Variants in CRIM1 observed in about 807,000 individuals in gnomAD.
CRIM1 encodes cysteine rich transmembrane BMP regulator 1, also known as cysteine-rich motor neuron 1 protein.
A neutral mutation model predicts 116.4 loss-of-function variants in CRIM1; 32 were observed. That is an observed-to-expected ratio of 0.27 (90% CI 0.21 to 0.37). CRIM1 has a LOEUF of 0.37. Ranked by LOEUF, CRIM1 falls within the 10% of genes least tolerant of loss-of-function variation. CRIM1 has a pLI of 1.00. For missense variants in CRIM1, 1,331 were observed against 1,354.8 expected, an observed-to-expected ratio of 0.98 and a Z score of 0.28; for synonymous variants, 590 against 509.2, an observed-to-expected ratio of 1.16 and a Z score of -2.13.
chr2:36,420,999 C>T lies in CRIM1; in HGVS notation c.506-20259C>T, dbSNP rs940623939. Among the ~76,000 whole-genome samples, 5 of 152,178 alleles carry T rather than the reference C, an allele frequency of 3.3e-5. No individual in the cohort carries two copies. The South Asian group carries it at 8.3e-4, about 25-fold the overall frequency. Reference sequence around the variant, plus strand: ...GAAACCCCGTGGTGTTTAACATTGGCAGCTGAGACCTCTACGTGATCAGCT... The same window carrying T: ...GAAACCCCGTGGTGTTTAACATTGGTAGCTGAGACCTCTACGTGATCAGCT... On this transcript the variant is annotated intron_variant, in intron 2 of 16. Coordinates refer to ENST00000280527, the MANE Select transcript of CRIM1 (RefSeq NM_016441.3).
chr2:36,461,001 A>T (rs1051579187), intron 4 of CRIM1, among the ~76,000 whole-genome samples: 1 of 152,250 alleles, frequency 6.6e-6, no homozygotes, highest in Non-Finnish European at 1.5e-5. Flanking sequence ...GCATGACCGT[A>T]GCAATGGAAA....
At chr2:36,417,681 A>G (rs984230264) in intron 2 of CRIM1, among the ~76,000 whole-genome samples, 1 of 152,240 alleles carries the variant, frequency 6.6e-6, no homozygotes, top group African/African-American at 2.4e-5. Flanking sequence ...CTCTAACCAA[A>G]GAAGGTTTAA....
chr2:36,524,636 G>A (rs899808213), intron 13 of CRIM1, among the ~76,000 whole-genome samples: 6 of 152,002 alleles, frequency 3.9e-5, no homozygotes, highest in South Asian at 2.1e-4. Flanking sequence ...AGATTGTTTT[G>A]TGTAAATTTA....
rs564157455 is a variant in CRIM1 at position 36,449,980 on chromosome 2, A to G, written c.869+7245A>G. Among the ~76,000 whole-genome samples, 3 of 152,286 alleles carry G rather than the reference A, an allele frequency of 2.0e-5. No individual in the cohort carries two copies. In the East Asian group the frequency reaches 5.8e-4, roughly 29 times the overall value. ...CTGGTTGGATTGTGAAAGCTGAGTA[A>G]CAATTCAGTAAAATAGATTACGTAT... On this transcript the variant is annotated intron_variant, in intron 4 of 16. Transcript: ENST00000280527.
Position 36,442,473 on chromosome 2 carries a change from T to C in CRIM1, c.749-142T>C, listed in dbSNP as rs73924836. On this transcript the variant is annotated intron_variant, in intron 3 of 16. Coordinates refer to ENST00000280527, the MANE Select transcript of CRIM1 (RefSeq NM_016441.3). ...AATATTGCAGTTCTATAGCATTAACTGGAGTAACATGTCGACACTAGGACT... is the reference window on the plus strand; with the variant it reads ...AATATTGCAGTTCTATAGCATTAACCGGAGTAACATGTCGACACTAGGACT... 3.3e-3 allele frequency: 2,973 copies of C among 887,844 alleles called. 59 individuals carry two copies. In the African/African-American group the frequency reaches 0.045, roughly 13 times the overall value. The allele number at this position is 887,844 out of a possible 1,614,324, so 55.0% of individuals were successfully genotyped here.
chr2:36,368,319 C>G (rs1052314012), intron 1 of CRIM1, among the ~76,000 whole-genome samples: 1 of 152,178 alleles, frequency 6.6e-6, no homozygotes, highest in Admixed American at 6.5e-5. Flanking sequence ...AGCCACTGAC[C>G]AGGAAGCTCT....
Position 36,464,539 on chromosome 2 carries a change from A to T in CRIM1, c.875A>T (p.Glu292Val). Residue 292 changes from glutamate (E) to valine (V), a missense_variant, in exon 5 of 17, where the codon GAG (glutamate) becomes GTG (valine). Glu to Val is a moderately radical substitution (Grantham distance 121). Around this residue, in one of 3 missense-constraint regions of CRIM1, gnomAD observed 690 missense variants for 676.0 expected, o/e 1.02. Transcript: ENST00000280527. ...DGCCTLPTRC[E>V]CLSGLCGFPV... ...TCCCTTTTCTTTGGTTTCAGATGCGAGTGTCTCTCTGGCTTATGTGGTTTC... is the reference window on the plus strand; with the variant it reads ...TCCCTTTTCTTTGGTTTCAGATGCGTGTGTCTCTCTGGCTTATGTGGTTTC... 6.2e-7 allele frequency: 1 copy of T among 1,613,900 alleles called. No individual in the cohort carries two copies. The highest frequency in any genetic ancestry group is 1.1e-5 in the South Asian group (1 of 91,074).
intron 5 of CRIM1, among the ~76,000 whole-genome samples, chr2:36,471,490 C>T (rs1678510776): frequency 6.6e-6 from 1 of 152,178 alleles, no homozygotes; most frequent in Non-Finnish European, 1.5e-5. Context: ...CAATACCCTC[C>T]ACCAGCAGAA....
chr2:36,400,577 G>C (rs1285886764), intron 2 of CRIM1, among the ~76,000 whole-genome samples: 1 of 152,182 alleles, frequency 6.6e-6, no homozygotes, highest in East Asian at 1.9e-4. Flanking sequence ...GTAGCAGTGA[G>C]AACAAAGAGG....
Position 36,396,794 on chromosome 2 carries a change from A to C in CRIM1, c.505+7A>C. On this transcript the variant is annotated splice_region_variant and intron_variant, in intron 2 of 16. Coordinates refer to ENST00000280527, the MANE Select transcript of CRIM1 (RefSeq NM_016441.3). ...GCTTTAAAGAGAATTGAAGGTAAGCATTAATTTTTGTTAACCATCCAGTCG... is the reference window on the plus strand; with the variant it reads ...GCTTTAAAGAGAATTGAAGGTAAGCCTTAATTTTTGTTAACCATCCAGTCG... The C allele has an allele frequency of 1.9e-6, 3 of 1,602,692 alleles. No homozygotes were observed. Among genetic ancestry groups the C allele is most frequent in the Non-Finnish European group, 2.6e-6 (3 of 1,171,004 alleles).
At chr2:36,511,476 G>T (rs1381418988) in intron 9 of CRIM1, among the ~76,000 whole-genome samples, 1 of 152,144 alleles carries the variant, frequency 6.6e-6, no homozygotes, top group African/African-American at 2.4e-5. Flanking sequence ...TTATGTCTTA[G>T]CCTAACTGCT....
At chr2:36,522,674 C>T (rs1049044434) in intron 13 of CRIM1, among the ~76,000 whole-genome samples, 2 of 151,666 alleles carry the variant, frequency 1.3e-5, no homozygotes, top group African/African-American at 2.4e-5. Flanking sequence ...TGGTGGCACA[C>T]ACCTGTAATC....
chr2:36,520,858 AGTT>A (rs751271534), intron 12 of CRIM1, among the ~76,000 whole-genome samples: 1 of 152,204 alleles, frequency 6.6e-6, no homozygotes, highest in African/African-American at 2.4e-5. Flanking sequence ...TACATGTCTC[AGTT>A]GTTTCTGGTT....
At chr2:36,386,800 C>G (rs996426920) in intron 1 of CRIM1, among the ~76,000 whole-genome samples, 2 of 152,178 alleles carry the variant, frequency 1.3e-5, no homozygotes, top group Non-Finnish European at 2.9e-5. Context: ...GGAAATAGTA[C>G]TTAATTCAGT....
intron 13 of CRIM1, among the ~76,000 whole-genome samples, chr2:36,533,457 C>A (rs1341367270): frequency 6.6e-6 from 1 of 150,714 alleles, no homozygotes; most frequent in African/African-American, 2.4e-5. Flanking sequence ...TAAAAATTAT[C>A]CAGGCATAAT....
intron 14 of CRIM1, 142 bp downstream of exon 14, chr2:36,537,688 A>C: frequency 1.1e-6 from 1 of 922,600 alleles, no homozygotes; most frequent in Non-Finnish European, 1.6e-6. Flanking sequence ...CTCCACCCAA[A>C]GACCCTATGG....
chr2:36,400,901 G>A (rs989817997), intron 2 of CRIM1, among the ~76,000 whole-genome samples: 2 of 152,092 alleles, frequency 1.3e-5, no homozygotes, highest in Non-Finnish European at 2.9e-5. Context: ...TTACAGGAAG[G>A]TGAATAGTCT....
At chr2:36,373,649 T>TG (rs905728778) in intron 1 of CRIM1, among the ~76,000 whole-genome samples, 3 of 152,296 alleles carry the variant, frequency 2.0e-5, no homozygotes, top group Non-Finnish European at 2.9e-5. Flanking sequence ...AGAATGGCCG[T>TG]GGGAAGGTAT....
chr2:36,365,180 C>G (rs762269437), intron 1 of CRIM1, among the ~76,000 whole-genome samples: 1 of 152,116 alleles, frequency 6.6e-6, no homozygotes, highest in Non-Finnish European at 1.5e-5. Context: ...CAGTTCCCAG[C>G]GCCTTTGGCA....
Sources: allele counts gnomAD v4.1 joint callset (sites outside exome capture counted in the v4.1 genomes callset), GRCh38; gene constraint gnomAD v4.1.1; regional missense constraint gnomAD v4.1.1; transcripts MANE v1.5; gene names NCBI Gene and HGNC (gene_info 2026-07-23, HGNC 2026-07-21).